The following THUMPD2 variants were observed in gnomAD, a reference collection of about 807,000 sequenced individuals.
The protein encoded by THUMPD2 is U6 snRNA (guanine-N(2))-methyltransferase THUMPD2.
In THUMPD2, 56 loss-of-function variants were observed where a neutral mutation model predicts 49.4. The ratio of observed to expected loss-of-function variants is 1.13; its 90% CI spans 0.91 to 1.41. The LOEUF is 1.41. Among genes scored for constraint, THUMPD2 ranks in the 40% most tolerant of loss-of-function variants. The probability of loss-of-function intolerance (pLI) is 0.00; values close to 1 mark genes in which losing one functional copy is unlikely to be tolerated. For missense variants in THUMPD2, 709 were observed against 594.5 expected (o/e 1.19, Z -2.00); for synonymous variants, 237 against 205.2 (o/e 1.15, Z -1.32).
chr2:39,761,562 G>C, intron 5 of THUMPD2, 144 bp from the exon 6 acceptor site: 1 of 760,098 alleles, frequency 1.3e-6, no homozygotes, highest in Non-Finnish European at 2.0e-6. Flanking sequence ...CAATGTTTCA[G>C]TCTTATTACA....
chr2:39,764,594 C>G lies in THUMPD2; in HGVS notation c.803+1463G>C, dbSNP rs80256978. Among the ~76,000 whole-genome samples, 1,041 of 152,294 alleles carry G rather than the reference C, an allele frequency of 6.8e-3. 12 individuals carry two copies. Among genetic ancestry groups the G allele is most frequent in the African/African-American group, 0.024 (1,009 of 41,568 alleles). Reference sequence around the variant, plus strand: ...GACAAATTTTTATGTGATCCTTTAACTTCATGGTGCTCTCTACTTTGTTTC... The same window carrying G: ...GACAAATTTTTATGTGATCCTTTAAGTTCATGGTGCTCTCTACTTTGTTTC... On this transcript the variant is annotated intron_variant, in intron 5 of 9. Coordinates refer to ENST00000505747, the MANE Select transcript of THUMPD2 (RefSeq NM_025264.5).
rs535942997 is a variant in THUMPD2, at chr2:39,764,820, CAG to C, written c.803+1235_803+1236del. ...CTGAGGTAGTCAAACTGACTAAACA[CAG>C]AGCATCTGTTGTAACCTCATTTTCA... On this transcript the variant is annotated intron_variant, in intron 5 of 9. Transcript: ENST00000505747. Among the ~76,000 whole-genome samples, 266 of 152,284 alleles carry C rather than the reference CAG, an allele frequency of 1.7e-3. 2 individuals carry two copies. Among genetic ancestry groups the C allele is most frequent in the African/African-American group, 5.7e-3 (237 of 41,562 alleles).
intron 8 of THUMPD2, among the ~76,000 whole-genome samples, chr2:39,751,173 G>A (rs369762119): frequency 6.6e-6 from 1 of 152,258 alleles, no homozygotes. Context: ...TACGGCGTGG[G>A]CCATATAAGA....
intron 3 of THUMPD2, chr2:39,769,158 C>G: frequency 8.5e-7 from 1 of 1,180,982 alleles, no homozygotes; most frequent in Non-Finnish European, 1.1e-6. Flanking sequence ...AAGCTGAGGA[C>G]TATGGTATCA....
intron 5 of THUMPD2, among the ~76,000 whole-genome samples, chr2:39,764,174 T>G (rs1209706196): frequency 6.6e-6 from 1 of 152,226 alleles, no homozygotes; most frequent in Admixed American, 6.5e-5. Flanking sequence ...AATCAAGCAT[T>G]TATCACAGAT....
At chr2:39,751,281 C>T (rs1311422885) in intron 8 of THUMPD2, among the ~76,000 whole-genome samples, 1 of 152,182 alleles carries the variant, frequency 6.6e-6, no homozygotes, top group Non-Finnish European at 1.5e-5. Context: ...CCTTATTATG[C>T]GGTGCTTATG....
chr2:39,775,677 C>G lies in THUMPD2; in HGVS notation c.126+3437G>C, dbSNP rs181684824. On this transcript the variant is annotated intron_variant, in intron 1 of 9. Transcript: ENST00000505747. Reference sequence around the variant, plus strand: ...ACTTGGGAGGCTGAGGCAGGAGAATCGCTTGAACCCAGGAGGCGGAGGTTG... The same window carrying G: ...ACTTGGGAGGCTGAGGCAGGAGAATGGCTTGAACCCAGGAGGCGGAGGTTG... Among the ~76,000 whole-genome samples, 272 of 145,638 alleles carry G rather than the reference C, an allele frequency of 1.9e-3. 2 individuals are homozygous for G. The highest frequency in any genetic ancestry group is 6.5e-3 in the African/African-American group (257 of 39,506).
At chr2:39,771,215 C>A (rs1231831441) in intron 2 of THUMPD2, among the ~76,000 whole-genome samples, 3 of 152,022 alleles carry the variant, frequency 2.0e-5, no homozygotes, top group Non-Finnish European at 4.4e-5. Flanking sequence ...ATAAATGCAA[C>A]TGACCATATA....
Position 39,769,775 on chromosome 2 carries a change from TC to T in THUMPD2, c.606del (p.Asn203MetfsTer3), listed in dbSNP as rs760794724. 6.3e-7 allele frequency: 1 copy of T among 1,598,030 alleles called. No homozygotes were observed. Among genetic ancestry groups the T allele is most frequent in the South Asian group, 1.1e-5 (1 of 87,276 alleles). On this transcript the variant is annotated frameshift_variant, in exon 3 of 10. Coordinates refer to ENST00000505747, the MANE Select transcript of THUMPD2 (RefSeq NM_025264.5). LOFTEE classifies it high-confidence loss of function. ...CAAGATACTCTGAAAGTCAAGTCAT[TC>T]TGATTATGAGTATCAATTGCTTTCT... ...DIEKAIDTHN[Q>X]NDLTFRVSCR...
chr2:39,770,058 G>A lies in THUMPD2; in HGVS notation c.324C>T (p.Ala108=). 6.4e-7 allele frequency: 1 copy of A among 1,560,794 alleles called. No homozygotes were observed. The highest frequency in any genetic ancestry group is 8.6e-7 in the Non-Finnish European group (1 of 1,164,570). Residue 108 remains alanine, a synonymous_variant, in exon 3 of 10, where the codon GCC becomes GCT. Transcript: ENST00000505747. Reference sequence around the variant, plus strand: ...CAAGAAGATTTTTCCAAATTGAAATGGCATTCAACCAACTTCCTGGATCTT... The same window carrying A: ...CAAGAAGATTTTTCCAAATTGAAATAGCATTCAACCAACTTCCTGGATCTT... ...INEDPGSWLN[A]ISIWKNLLEL...
chr2:39,748,453 A>T (rs1395369718), intron 8 of THUMPD2, among the ~76,000 whole-genome samples: 1 of 152,240 alleles, frequency 6.6e-6, no homozygotes, highest in Non-Finnish European at 1.5e-5. Flanking sequence ...CTGTAATCCC[A>T]GCACTTTGGG....
At position 39,741,739 on chromosome 2, in the gene THUMPD2, T is replaced by G. The variant is rs186709148; in HGVS notation, c.1187+2631A>C. Among the ~76,000 whole-genome samples, 32 of 152,332 alleles carry G rather than the reference T, an allele frequency of 2.1e-4. No individual in the cohort carries two copies. In the East Asian group the frequency reaches 5.8e-3, roughly 28 times the overall value. ...TGTCCTTTCTCGAAGAGTCCAGCTCTGTAGTACATACAGTACTATTTCCAC... is the reference window on the plus strand; with the variant it reads ...TGTCCTTTCTCGAAGAGTCCAGCTCGGTAGTACATACAGTACTATTTCCAC... On this transcript the variant is annotated intron_variant, in intron 9 of 9. Coordinates refer to ENST00000505747, the MANE Select transcript of THUMPD2 (RefSeq NM_025264.5).
chr2:39,779,115 T>C lies in THUMPD2; in HGVS notation c.125A>G (p.Gln42Arg). The C allele has an allele frequency of 6.6e-7, 1 of 1,509,452 alleles. No individual in the cohort carries two copies. The highest frequency in any genetic ancestry group is 8.8e-7 in the Non-Finnish European group (1 of 1,135,540). 93.5% of individuals were successfully genotyped at this position (1,509,452 alleles called of 1,614,324 possible). ...REVRARLAAT[Q>R]VEYISGKVFF... ...AGGCGCGCAGCGAGGCCAACTCACC[T>C]GCGTGGCCGCCAGCCGCGCCCGCAC... Residue 42 changes from glutamine (Q) to arginine (R), a missense_variant and splice_region_variant, in exon 1 of 10, where the codon CAG becomes CGG. Physicochemically the swap from Gln to Arg is conservative, Grantham distance 43. Coordinates refer to ENST00000505747, the MANE Select transcript of THUMPD2 (RefSeq NM_025264.5).
intron 1 of THUMPD2, among the ~76,000 whole-genome samples, chr2:39,775,667 G>A (rs1483927389): frequency 6.7e-6 from 1 of 150,176 alleles, no homozygotes; most frequent in East Asian, 2.0e-4. Context: ...GGAGGCTGAG[G>A]CAGGAGAATC....
chr2:39,743,984 C>T (rs143346510), intron 9 of THUMPD2, among the ~76,000 whole-genome samples: 2,169 of 150,864 alleles, frequency 0.014, 17 homozygotes, highest in Non-Finnish European at 0.021. Flanking sequence ...GAAAGTTAAT[C>T]TTTCTGTGCC....
intron 6 of THUMPD2, among the ~76,000 whole-genome samples, chr2:39,761,022 A>G (rs887939486): frequency 1.3e-5 from 2 of 152,186 alleles, no homozygotes; most frequent in Non-Finnish European, 2.9e-5. Flanking sequence ...TTGGTCACAG[A>G]CAAAAACTTT....
intron 3 of THUMPD2, chr2:39,768,938 T>G (rs1677915202): frequency 7.7e-7 from 1 of 1,303,742 alleles, no homozygotes; most frequent in Admixed American, 2.3e-5. Flanking sequence ...TGATAAAGTA[T>G]TCAGACCAAT....
At position 39,768,861 on chromosome 2, in the gene THUMPD2, A is replaced by C. The variant is rs575462596; in HGVS notation, c.673-360T>G. On this transcript the variant is annotated intron_variant, in intron 3 of 9. Coordinates refer to ENST00000505747, the MANE Select transcript of THUMPD2 (RefSeq NM_025264.5). Reference sequence around the variant, plus strand: ...TAACTATGTCAGCTACTATAAGCCTATGTGTTTAAAAATTATCAGATTAGT... The same window carrying C: ...TAACTATGTCAGCTACTATAAGCCTCTGTGTTTAAAAATTATCAGATTAGT... 109 of 1,256,790 alleles carry C rather than the reference A, an allele frequency of 8.7e-5. No individual in the cohort carries two copies. In the African/African-American group the frequency reaches 1.4e-3, roughly 16 times the overall value. 77.9% of individuals were successfully genotyped at this position (1,256,790 alleles called of 1,614,324 possible).
intron 8 of THUMPD2, among the ~76,000 whole-genome samples, chr2:39,748,873 T>C (rs928905011): frequency 6.6e-6 from 1 of 151,918 alleles, no homozygotes; most frequent in African/African-American, 2.4e-5. Flanking sequence ...TCCTAGCTAC[T>C]TGGGAAGCTG....
Sources: allele counts gnomAD v4.1 joint callset (sites outside exome capture counted in the v4.1 genomes callset), GRCh38; gene constraint gnomAD v4.1.1; transcripts MANE v1.5; gene names NCBI Gene and HGNC (gene_info 2026-07-23, HGNC 2026-07-21).